SYT1: variants seen among roughly 807,000 people sequenced by gnomAD.
SYT1 encodes the protein synaptotagmin 1.
In SYT1, 8 loss-of-function variants were observed where a neutral mutation model predicts 44.8. The ratio of observed to expected loss-of-function variants is 0.18; its 90% CI spans 0.10 to 0.32. SYT1 has a LOEUF of 0.32. Among genes scored for constraint, SYT1 ranks in the 10% least tolerant of loss-of-function variants. The pLI is 1.00. For missense variants in SYT1, 286 were observed against 509.3 expected (o/e 0.56, Z 4.22); for synonymous variants, 154 against 188.8 (o/e 0.82, Z 1.51).
At chr12:79,165,234 A>G (rs575646805) in intron 3 of SYT1, among the ~76,000 whole-genome samples, 66 of 151,978 alleles carry the variant, frequency 4.3e-4, no homozygotes, top group Non-Finnish European at 8.0e-4. Flanking sequence ...TTTCTATGTC[A>G]TTTATGGCTG....
intron 1 of SYT1, among the ~76,000 whole-genome samples, chr12:78,920,511 A>G (rs952260610): frequency 6.6e-6 from 1 of 152,036 alleles, no homozygotes; most frequent in Non-Finnish European, 1.5e-5. Flanking sequence ...TTTTTAATTC[A>G]CATGTTTTAA....
chr12:79,131,587 T>A (rs1156345579), intron 3 of SYT1, among the ~76,000 whole-genome samples: 1 of 152,170 alleles, frequency 6.6e-6, no homozygotes, highest in East Asian at 1.9e-4. Flanking sequence ...TCATATACAA[T>A]TTAATTAAGT....
intron 3 of SYT1, among the ~76,000 whole-genome samples, chr12:79,098,523 G>A (rs543403841): frequency 6.6e-6 from 1 of 152,184 alleles, no homozygotes; most frequent in East Asian, 1.9e-4. Flanking sequence ...GGGTATACTA[G>A]AATTTCAAGT....
intron 4 of SYT1, among the ~76,000 whole-genome samples, chr12:79,238,663 T>C (rs963540972): frequency 2.0e-5 from 3 of 152,206 alleles, no homozygotes; most frequent in Admixed American, 2.0e-4. Context: ...AAATAGGTTT[T>C]CATTACCAAA....
chr12:79,366,898 G>C (rs1165059510), intron 9 of SYT1, among the ~76,000 whole-genome samples: 19 of 61,194 alleles, frequency 3.1e-4, no homozygotes, highest in African/African-American at 5.1e-4. Context: ...ATAATACTGT[G>C]TGTGTGTGTG....
At chr12:78,931,238 A>AGAAAGAAAGAAAGAAAGAAG (rs1877667216) in intron 1 of SYT1, among the ~76,000 whole-genome samples, 1 of 41,124 alleles carries the variant, frequency 2.4e-5, no homozygotes, top group Non-Finnish European at 4.2e-5. Context: ...AAAGAAAGAA[A>AGAAAGAAAGAAAGAAAGAAG]GAAGGAAGGA....
chr12:79,040,363 C>A (rs2137719983), intron 2 of SYT1, among the ~76,000 whole-genome samples: 1 of 152,324 alleles, frequency 6.6e-6, no homozygotes, highest in Non-Finnish European at 1.5e-5. Context: ...TTGCATTTCT[C>A]TGATGGCCAG....
At chr12:79,015,453 CTT>C (rs1044075983) in intron 2 of SYT1, among the ~76,000 whole-genome samples, 10 of 152,052 alleles carry the variant, frequency 6.6e-5, no homozygotes, top group African/African-American at 2.4e-4. Context: ...TATATTATCT[CTT>C]TGACAATTTG....
chr12:78,981,436 T>A (rs939521039), intron 2 of SYT1, among the ~76,000 whole-genome samples: 33 of 152,112 alleles, frequency 2.2e-4, no homozygotes, highest in African/African-American at 7.5e-4. Context: ...TTAATTCTTT[T>A]AAAATGAATA....
chr12:79,264,307 G>A (rs1334891169), intron 4 of SYT1, among the ~76,000 whole-genome samples: 1 of 151,660 alleles, frequency 6.6e-6, no homozygotes, highest in South Asian at 2.1e-4. Context: ...AGCCTCTCGA[G>A]TAGCTGGGAC....
At chr12:79,400,652 G>A (rs1885035078) in intron 9 of SYT1, among the ~76,000 whole-genome samples, 2 of 152,222 alleles carry the variant, frequency 1.3e-5, no homozygotes, top group African/African-American at 4.8e-5. Flanking sequence ...CACCTCTGGT[G>A]AAACACAACA....
At chr12:79,066,417 A>C (rs929100326) in intron 3 of SYT1, among the ~76,000 whole-genome samples, 3 of 151,968 alleles carry the variant, frequency 2.0e-5, no homozygotes, top group African/African-American at 7.3e-5. Context: ...TGACTTCAGA[A>C]AATCTTAAAC....
chr12:79,378,372 C>G (rs1476626317), intron 9 of SYT1, among the ~76,000 whole-genome samples: 1 of 152,180 alleles, frequency 6.6e-6, no homozygotes, highest in East Asian at 1.9e-4. Context: ...AAACACAACT[C>G]TTAAAATTTC....
intron 4 of SYT1, among the ~76,000 whole-genome samples, chr12:79,267,870 A>G (rs1878216414): frequency 6.6e-6 from 1 of 152,184 alleles, no homozygotes; most frequent in Non-Finnish European, 1.5e-5. Flanking sequence ...TTGCATGTCA[A>G]ATGTCAGACA....
chr12:78,911,109 G>A (rs551574182), intron 1 of SYT1, among the ~76,000 whole-genome samples: 7 of 152,156 alleles, frequency 4.6e-5, no homozygotes, highest in Middle Eastern at 3.4e-3. Context: ...AAGCTTCAGT[G>A]TTGTAAATAG....
rs572107996 is a variant in SYT1, at chr12:79,450,668, C to T, written c.*1544C>T. ...CGTAGTGATATTGTAACAATACTGC[C>T]ATTCCCTTCTACTGCACTGCCCAAG... On this transcript the variant is annotated 3_prime_UTR_variant, in exon 11 of 11. Transcript: ENST00000261205. 1.3e-5 allele frequency: 2 copies of T among 152,750 alleles called. No homozygotes were observed. Among genetic ancestry groups the T allele is most frequent in the Non-Finnish European group, 2.9e-5 (2 of 68,032 alleles). The allele number at this position is 152,750 out of a possible 1,614,324, so 9.5% of individuals were successfully genotyped here.
rs1306963110 is a variant in SYT1, at chr12:78,973,939, ATAT to A, written c.-216-3859_-216-3857del. ...ACCAAAAAAAAAAAAAAAAAAAAAA[ATAT>A]ATATATATATATATATATATATATA... is the stretch of plus-strand genomic sequence containing the variant. On this transcript the variant is annotated intron_variant, in intron 1 of 10. Transcript: ENST00000261205. Among the ~76,000 whole-genome samples the A allele has an allele frequency of 1.6e-3, 18 of 11,382 alleles. No homozygotes were observed. The South Asian group carries it at 0.021, about 14-fold the overall frequency. 7.5% of individuals were successfully genotyped at this position (11,382 alleles called of 152,430 possible). A position where few individuals can be genotyped will look rare whatever the true frequency, so the allele number is the denominator to read the frequency against.
intron 10 of SYT1, among the ~76,000 whole-genome samples, chr12:79,446,696 T>C (rs1468540624): frequency 1.3e-5 from 2 of 152,194 alleles, no homozygotes; most frequent in Non-Finnish European, 2.9e-5. Flanking sequence ...TCAACATCTG[T>C]TACATAAGTA....
At chr12:79,269,703 C>A (rs1042235236) in intron 4 of SYT1, among the ~76,000 whole-genome samples, 2 of 151,922 alleles carry the variant, frequency 1.3e-5, no homozygotes, top group African/African-American at 4.8e-5. Context: ...AGTACACACA[C>A]ACACACACAC....
Sources: gnomAD v4.1 joint callset for allele counts (sites outside exome capture counted in the v4.1 genomes callset) on GRCh38, gnomAD v4.1.1 for gene constraint, MANE v1.5 for transcripts, NCBI Gene and HGNC (gene_info 2026-07-23, HGNC 2026-07-21) for gene names.